The following MYPN variants were observed in gnomAD, a reference collection of about 807,000 sequenced individuals.
The protein encoded by MYPN is myopalladin, also known as sarcomeric protein myopalladin, 145 kDa (MYOP).
Under a neutral mutation model 129.4 loss-of-function variants are expected in MYPN, and 63 were observed. The observed-to-expected ratio is 0.49, with a 90% CI of 0.40 to 0.60. The LOEUF is 0.60. Ranked by LOEUF, MYPN falls within the 20% of genes least tolerant of loss-of-function variation. MYPN has a pLI of 0.00. For synonymous variants in MYPN, 629 were observed against 600.9 expected, an observed-to-expected ratio of 1.05 and a Z score of -0.68; for missense variants, 1,596 against 1,635.4, an observed-to-expected ratio of 0.98 and a Z score of 0.42.
chr10:68,102,065 G>A (rs1395885396), upstream of MYPN, among the ~76,000 whole-genome samples: 1 of 146,128 alleles, frequency 6.8e-6, no homozygotes, highest in Non-Finnish European at 1.5e-5. Context: ...AAAATATTTG[G>A]TTTTCATTAA....
Position 68,189,078 on chromosome 10 carries a change from C to A in MYPN, c.2877C>A (p.Gly959=). ...KRLKHFRVTE[G]SPVTFTCKIV... ...TCAAGCACTTCCGGGTCACAGAAGG[C>A]TCTCCAGTTACATTCACCTGCAAAA... is the stretch of plus-strand genomic sequence containing the variant. Residue 959 remains glycine, a synonymous_variant, in exon 13 of 20, where the codon GGC becomes GGA. Transcript: ENST00000358913. 6.2e-7 allele frequency: 1 copy of A among 1,614,162 alleles called. No individual in the cohort carries two copies. The highest frequency in any genetic ancestry group is 8.5e-7 in the Non-Finnish European group (1 of 1,180,020).
intron 1 of MYPN, among the ~76,000 whole-genome samples, chr10:68,110,202 A>T (rs1388557322): frequency 1.3e-5 from 2 of 152,182 alleles, no homozygotes; most frequent in Non-Finnish European, 2.9e-5. Context: ...ATTAATGTAC[A>T]CAACAGCTGC....
chr10:68,126,014 A>G (rs996671381), intron 2 of MYPN, among the ~76,000 whole-genome samples: 2 of 152,180 alleles, frequency 1.3e-5, no homozygotes, highest in South Asian at 2.1e-4. Flanking sequence ...AAAAGAGTAT[A>G]TGAGTTGCTT....
chr10:68,123,108 C>T (rs1372009265), intron 2 of MYPN, among the ~76,000 whole-genome samples: 1 of 152,124 alleles, frequency 6.6e-6, no homozygotes, highest in African/African-American at 2.4e-5. Flanking sequence ...GGCGCAGTGG[C>T]TCCAGCGTAT....
rs1035588500 is a variant in MYPN at position 68,121,642 on chromosome 10, C to T, written c.204C>T (p.Ser68=). The part of the protein sequence containing the change: ...DDLPDLSAFL[S]QEELDESVNL... ...TTCCAGATCTTTCAGCCTTTCTGAG[C>T]CAAGAAGAATTAGACGAAAGTGTCA... The change falls in exon 2 of 20, where the codon AGC becomes AGT. Residue 68 remains serine, a synonymous_variant. Transcript: ENST00000358913. 6.2e-7 allele frequency: 1 copy of T among 1,614,182 alleles called. No homozygotes were observed. The highest frequency in any genetic ancestry group is 8.5e-7 in the Non-Finnish European group (1 of 1,180,028).
chr10:68,155,951 C>T (rs937350735), intron 6 of MYPN, among the ~76,000 whole-genome samples: 1 of 152,128 alleles, frequency 6.6e-6, no homozygotes, highest in Non-Finnish European at 1.5e-5. Flanking sequence ...ACAAGTCTTG[C>T]CCTTTGATGT....
chr10:68,182,450 A>ATAAC (rs2043347400), intron 12 of MYPN, among the ~76,000 whole-genome samples: 2 of 86,444 alleles, frequency 2.3e-5, no homozygotes, highest in Non-Finnish European at 4.7e-5. Flanking sequence ...ACATATATAT[A>ATAAC]ACATATATAT....
chr10:68,141,330 C>G (rs538588602), intron 2 of MYPN, among the ~76,000 whole-genome samples: 146 of 150,618 alleles, frequency 9.7e-4, no homozygotes, highest in African/African-American at 3.2e-3. Flanking sequence ...GATCGGACCA[C>G]TGCACTCCAA....
At chr10:68,186,245 C>A (rs74769472) in intron 12 of MYPN, among the ~76,000 whole-genome samples, 27,091 of 151,952 alleles carry the variant, frequency 0.18, 2,878 homozygotes, top group Middle Eastern at 0.26. Context: ...CAGTTTGAGA[C>A]GAGGCAGAGA....
intron 2 of MYPN, among the ~76,000 whole-genome samples, chr10:68,129,093 C>T (rs2069906123): frequency 6.6e-6 from 1 of 151,870 alleles, no homozygotes; most frequent in Non-Finnish European, 1.5e-5. Flanking sequence ...GTCCATGGAC[C>T]AGCAGCGTCA....
At chr10:68,177,631 G>A (rs1447740610) in intron 12 of MYPN, among the ~76,000 whole-genome samples, 2 of 152,186 alleles carry the variant, frequency 1.3e-5, no homozygotes, top group Non-Finnish European at 2.9e-5. Context: ...CCACGCTGGT[G>A]AAGTTAAGAA....
At chr10:68,161,900 T>C (rs1270764829) in intron 8 of MYPN, 148 bp downstream of exon 8, 2 of 620,362 alleles carry the variant, frequency 3.2e-6, no homozygotes, top group Non-Finnish European at 5.6e-6. Context: ...CAGTGGCTCA[T>C]GTCTGTAATT....
chr10:68,145,071 C>T (rs1221065727), intron 3 of MYPN, among the ~76,000 whole-genome samples: 1 of 150,978 alleles, frequency 6.6e-6, no homozygotes. Flanking sequence ...GTTGCCCAGG[C>T]TGGAGTGCAA....
chr10:68,173,579 TTTA>T (rs2043175747), intron 10 of MYPN, among the ~76,000 whole-genome samples: 56 of 36,272 alleles, frequency 1.5e-3, no homozygotes, highest in Admixed American at 2.2e-3. Flanking sequence ...AGTTATTTTA[TTTA>T]TTTATTTATT....
At position 68,121,504 on chromosome 10, in the gene MYPN, T is replaced by C; in HGVS notation, c.66T>C (p.Ala22=). The change falls in exon 2 of 20, where the codon GCT becomes GCC. Residue 22 remains alanine, a synonymous_variant. Transcript: ENST00000358913. ...ISQLLRESYL[A]ETRHRGNNER... ...AGCTTCTAAGAGAGAGCTATTTAGC[T>C]GAAACCAGACATCGGGGAAACAATG... is the stretch of plus-strand genomic sequence containing the variant. 1 of 1,614,176 alleles carries C rather than the reference T, an allele frequency of 6.2e-7. No individual in the cohort carries two copies. The highest frequency in any genetic ancestry group is 8.5e-7 in the Non-Finnish European group (1 of 1,180,006).
chr10:68,165,613 C>A, intron 8 of MYPN, 89 bp from the exon 9 acceptor site: 1 of 1,000,102 alleles, frequency 1.0e-6, no homozygotes, highest in Non-Finnish European at 1.6e-6. Context: ...TTTATATTGA[C>A]TTTGTAGAAT....
intron 1 of MYPN, among the ~76,000 whole-genome samples, chr10:68,113,216 C>A (rs1208577711): frequency 6.6e-6 from 1 of 152,204 alleles, no homozygotes; most frequent in East Asian, 1.9e-4. Flanking sequence ...TAGTTCTGCT[C>A]ATCCCTGTTT....
At chr10:68,190,030 A>AT (rs34958670) in intron 13 of MYPN, among the ~76,000 whole-genome samples, 28,469 of 150,626 alleles carry the variant, frequency 0.19, 2,990 homozygotes, top group Middle Eastern at 0.26. Context: ...CCTCACCAGC[A>AT]TTTTTTTTTG....
At chr10:68,172,039 G>T (rs780135541) in intron 10 of MYPN, among the ~76,000 whole-genome samples, 1 of 152,212 alleles carries the variant, frequency 6.6e-6, no homozygotes, top group South Asian at 2.1e-4. Context: ...CAGAGTCTTT[G>T]TGTCCCAAAA....
Sources: gnomAD v4.1 joint callset for allele counts (sites outside exome capture counted in the v4.1 genomes callset) on GRCh38, gnomAD v4.1.1 for gene constraint, MANE v1.5 for transcripts, NCBI Gene and HGNC (gene_info 2026-07-23, HGNC 2026-07-21) for gene names.